The following COLEC12 variants were observed in gnomAD, a reference collection of about 807,000 sequenced individuals.
COLEC12 encodes the protein collectin-12.
COLEC12 carries 33 observed loss-of-function variants against 71.1 expected under a neutral mutation model. The ratio of observed to expected loss-of-function variants is 0.46; its 90% CI spans 0.35 to 0.62. The LOEUF (loss-of-function observed/expected upper bound fraction) is 0.62. COLEC12 is among the 20% of genes least tolerant of loss of function. The pLI is 0.00. For synonymous variants in COLEC12, 350 were observed against 353.0 expected (o/e 0.99, Z 0.10); for missense variants, 765 against 916.1 (o/e 0.84, Z 2.13).
rs1914407325 is a variant in COLEC12 at position 347,297 on chromosome 18, AG to A, written c.324del (p.Ser109ProfsTer8). ...TCTAGAATGTCTGATCTGAAGGTGGAGAGTTCTGAGTTGGTGCTGATAGCTT... is the reference window on the plus strand; with the variant it reads ...TCTAGAATGTCTGATCTGAAGGTGGAAGTTCTGAGTTGGTGCTGATAGCTT... The part of the protein sequence containing the change: ...GKKAISTNSE[L>X]STFRSDILDL... On this transcript the variant is annotated frameshift_variant, in exon 5 of 10. Transcript: ENST00000400256. LOFTEE classifies it high-confidence loss of function. 1 of 1,614,044 alleles carries A rather than the reference AG, an allele frequency of 6.2e-7. No individual in the cohort carries two copies.
At chr18:400,538 A>T (rs1915662399) in intron 2 of COLEC12, among the ~76,000 whole-genome samples, 1 of 152,136 alleles carries the variant, frequency 6.6e-6, no homozygotes, top group Admixed American at 6.5e-5. Context: ...CACCCCTAGT[A>T]CTTTCTTCCA....
At chr18:368,000 A>G (rs919895912) in intron 2 of COLEC12, among the ~76,000 whole-genome samples, 2 of 152,234 alleles carry the variant, frequency 1.3e-5, no homozygotes, top group Non-Finnish European at 2.9e-5. Context: ...GCAGACAGCT[A>G]TACTTTTGGA....
intron 2 of COLEC12, among the ~76,000 whole-genome samples, chr18:441,438 T>C (rs1916533049): frequency 6.6e-6 from 1 of 152,070 alleles, no homozygotes. Flanking sequence ...TTTCAAACTG[T>C]TCATCACACT....
At chr18:478,157 T>C (rs1335576624) in intron 2 of COLEC12, among the ~76,000 whole-genome samples, 1 of 152,084 alleles carries the variant, frequency 6.6e-6, no homozygotes, top group Non-Finnish European at 1.5e-5. Context: ...AGTTGAAAGG[T>C]CAGCTCCACT....
At chr18:321,216 G>A (rs567998698) in intron 9 of COLEC12, among the ~76,000 whole-genome samples, 23 of 152,158 alleles carry the variant, frequency 1.5e-4, no homozygotes, top group African/African-American at 5.1e-4. Flanking sequence ...CACCATGCCC[G>A]GCTAATTTTG....
At chr18:351,821 G>A (rs549590954) in intron 3 of COLEC12, among the ~76,000 whole-genome samples, 31 of 152,304 alleles carry the variant, frequency 2.0e-4, no homozygotes, top group South Asian at 4.1e-4. Flanking sequence ...TGCCATGTTC[G>A]TGTGCTGCAC....
At chr18:377,011 A>G (rs1915128858) in intron 2 of COLEC12, among the ~76,000 whole-genome samples, 1 of 152,162 alleles carries the variant, frequency 6.6e-6, no homozygotes. Context: ...CAACCTACAA[A>G]GTTGGTAAGA....
At chr18:416,271 A>C (rs1915984468) in intron 2 of COLEC12, among the ~76,000 whole-genome samples, 1 of 152,210 alleles carries the variant, frequency 6.6e-6, no homozygotes, top group African/African-American at 2.4e-5. Context: ...AAAACAGTAA[A>C]GAGCAGCCAG....
At position 389,569 on chromosome 18, in the gene COLEC12, G is replaced by A. The variant is rs182950497; in HGVS notation, c.59-32047C>T. On this transcript the variant is annotated intron_variant, in intron 2 of 9. Coordinates refer to ENST00000400256, the MANE Select transcript of COLEC12 (RefSeq NM_130386.3). ...CTGAGATTACTATGCATGAGCCACCGAGCCCAGCCCACTGTGCAGCAATTT... is the reference window on the plus strand; with the variant it reads ...CTGAGATTACTATGCATGAGCCACCAAGCCCAGCCCACTGTGCAGCAATTT... Among the ~76,000 whole-genome samples, 9 of 150,880 alleles carry A rather than the reference G, an allele frequency of 6.0e-5. No individual in the cohort carries two copies. In the East Asian group the frequency reaches 1.2e-3, roughly 20 times the overall value.
At position 346,222 on chromosome 18, in the gene COLEC12, G is replaced by C; in HGVS notation, c.1327+73C>G. 1 of 1,154,060 alleles carries C rather than the reference G, an allele frequency of 8.7e-7. No individual in the cohort carries two copies. Among genetic ancestry groups the C allele is most frequent in the Non-Finnish European group, 1.2e-6 (1 of 813,174 alleles). The allele number at this position is 1,154,060 out of a possible 1,614,324, so 71.5% of individuals were successfully genotyped here. A position where few individuals can be genotyped will look rare whatever the true frequency, so the allele number is the denominator to read the frequency against. On this transcript the variant is annotated intron_variant, in intron 5 of 9. Transcript: ENST00000400256. This position sits in a 1 kb window ranked among gnomAD's most constrained non-coding sequence, Gnocchi z 4.0. The stretch of plus-strand genomic sequence containing the variant: ...TGATGAATATTTATTGTTTTAAATT[G>C]CCAAGTTTTAGAGTAACTTGTTATG...
At position 362,464 on chromosome 18, in the gene COLEC12, C is replaced by T. The variant is rs1914767500; in HGVS notation, c.59-4942G>A. ...CCTGTAGCTGGGGCACCCCCTCCTC[C>T]TTGAACCTAGATGGTTACAAAATAA... On this transcript the variant is annotated intron_variant, in intron 2 of 9. Coordinates refer to ENST00000400256, the MANE Select transcript of COLEC12 (RefSeq NM_130386.3). This position sits in a 1 kb window ranked among gnomAD's most constrained non-coding sequence, Gnocchi z 4.6. Among the ~76,000 whole-genome samples, 1 of 152,152 alleles carries T rather than the reference C, an allele frequency of 6.6e-6. No individual in the cohort carries two copies. Among genetic ancestry groups the T allele is most frequent in the Non-Finnish European group, 1.5e-5 (1 of 68,028 alleles).
In COLEC12 at chr18:321,572, C is replaced by T. The variant is rs1913704685; in HGVS notation, c.2209+90G>A. 4.3e-6 allele frequency: 6 copies of T among 1,379,352 alleles called. No homozygotes were observed. In the East Asian group the frequency reaches 1.2e-4, roughly 27 times the overall value. 85.4% of individuals were successfully genotyped at this position (1,379,352 alleles called of 1,614,324 possible). ...CCAGGGCTGAAACCTAATTGCAGTG[C>T]CTGCATTCAGGGCCCTTGTACTCAC... On this transcript the variant is annotated intron_variant, in intron 9 of 9. Coordinates refer to ENST00000400256, the MANE Select transcript of COLEC12 (RefSeq NM_130386.3).
intron 2 of COLEC12, among the ~76,000 whole-genome samples, chr18:419,030 C>A (rs1256516883): frequency 1.3e-5 from 2 of 152,158 alleles, no homozygotes; most frequent in Non-Finnish European, 2.9e-5. Flanking sequence ...TGGGACAAGT[C>A]AGTTAACCAT....
At chr18:498,712 G>A (rs540089575) in intron 1 of COLEC12, among the ~76,000 whole-genome samples, 15 of 152,000 alleles carry the variant, frequency 9.9e-5, no homozygotes, top group Admixed American at 7.2e-4. Flanking sequence ...GTCTACCCGG[G>A]GATTCACCAG....
intron 1 of COLEC12, among the ~76,000 whole-genome samples, chr18:481,008 G>A (rs77655507): frequency 6.6e-6 from 1 of 151,978 alleles, no homozygotes; most frequent in Admixed American, 6.6e-5. Flanking sequence ...GCGACCCTTC[G>A]AGATGCCTTT....
intron 2 of COLEC12, among the ~76,000 whole-genome samples, chr18:365,342 G>C (rs1452118511): frequency 6.6e-6 from 1 of 152,200 alleles, no homozygotes; most frequent in Non-Finnish European, 1.5e-5. Context: ...GCCCCTCAGG[G>C]GAATATCTCC....
chr18:366,528 A>G (rs1489342208), intron 2 of COLEC12, among the ~76,000 whole-genome samples: 1 of 152,060 alleles, frequency 6.6e-6, no homozygotes, highest in Non-Finnish European at 1.5e-5. Context: ...GCACACATCC[A>G]CACTCCCCAT....
chr18:442,506 T>C (rs544280577), intron 2 of COLEC12, among the ~76,000 whole-genome samples: 3 of 152,340 alleles, frequency 2.0e-5, no homozygotes, highest in South Asian at 2.1e-4. Flanking sequence ...TCTGTGTATT[T>C]CTGCCCATTG....
intron 2 of COLEC12, among the ~76,000 whole-genome samples, chr18:359,622 AAG>A (rs1367013598): frequency 1.3e-5 from 2 of 152,230 alleles, no homozygotes; most frequent in Non-Finnish European, 2.9e-5. Flanking sequence ...AACCTTTAAA[AAG>A]AGAATTTCCA....
Sources: allele counts gnomAD v4.1 joint callset (sites outside exome capture counted in the v4.1 genomes callset), GRCh38; gene constraint gnomAD v4.1.1; non-coding constraint Gnocchi (gnomAD v3.1); transcripts MANE v1.5; gene names NCBI Gene and HGNC (gene_info 2026-07-23, HGNC 2026-07-21).